The following KCNH1 variants were observed in gnomAD, a reference collection of about 807,000 sequenced individuals.
KCNH1 encodes the protein potassium voltage-gated channel subfamily H member 1.
KCNH1 carries 27 observed loss-of-function variants against 69.2 expected under a neutral mutation model. The observed-to-expected ratio is 0.39, with a 90% CI of 0.29 to 0.54. The LOEUF (loss-of-function observed/expected upper bound fraction) is 0.54, where lower values mean the gene tolerates loss of function less well. Among genes scored for constraint, KCNH1 ranks in the 20% least tolerant of loss-of-function variants. The probability of loss-of-function intolerance (pLI) is 0.68; values close to 1 mark genes in which losing one functional copy is unlikely to be tolerated. For missense variants in KCNH1, 798 were observed against 1,261.6 expected (o/e 0.63, Z 5.57); for synonymous variants, 456 against 487.7 (o/e 0.93, Z 0.86).
At chr1:210,812,375 T>A (rs1378122549) in intron 7 of KCNH1, among the ~76,000 whole-genome samples, 1 of 152,164 alleles carries the variant, frequency 6.6e-6, no homozygotes, top group Admixed American at 6.6e-5. Context: ...CACCCTGAGG[T>A]TTCATAGATG....
intron 6 of KCNH1, among the ~76,000 whole-genome samples, chr1:210,944,734 G>T (rs1020720343): frequency 6.6e-6 from 1 of 152,120 alleles, no homozygotes; most frequent in Non-Finnish European, 1.5e-5. Context: ...ACAGGCTACT[G>T]TATTTTTTTA....
chr1:211,054,544 T>G (rs114786915), intron 5 of KCNH1, among the ~76,000 whole-genome samples: 142 of 152,222 alleles, frequency 9.3e-4, no homozygotes, highest in African/African-American at 3.2e-3. Context: ...TAAATCAAAT[T>G]AGATATTAGC....
rs140580867 is a variant in KCNH1 at position 211,023,160 on chromosome 1, A to T, written c.559-3904T>A. On this transcript the variant is annotated intron_variant, in intron 5 of 10. Transcript: ENST00000271751. ...TAAATAAATAAATAAATAAATAAAT[A>T]AATTAAAAATGCTGGTGAGGATCCA... Among the ~76,000 whole-genome samples the T allele has an allele frequency of 8.9e-3, 893 of 100,506 alleles. 3 individuals are homozygous for T. Among genetic ancestry groups the T allele is most frequent in the Non-Finnish European group, 0.012 (581 of 48,662 alleles). 65.9% of individuals were successfully genotyped at this position (100,506 alleles called of 152,430 possible). A position where few individuals can be genotyped will look rare whatever the true frequency, so the allele number is the denominator to read the frequency against.
rs146945144 is a variant in KCNH1, at chr1:210,794,648, G to T, written c.1915+2860C>A. On this transcript the variant is annotated intron_variant, in intron 9 of 10. Coordinates refer to ENST00000271751, the MANE Select transcript of KCNH1 (RefSeq NM_172362.3). ...CATCATGCCTCTATGCCTAAGTCTA[G>T]GTGTTCAAACCAACTCCTAGTAATG... is the stretch of plus-strand genomic sequence containing the variant. Among the ~76,000 whole-genome samples the T allele has an allele frequency of 5.5e-3, 840 of 152,256 alleles. 6 individuals are homozygous for T. Among genetic ancestry groups the T allele is most frequent in the African/African-American group, 0.019 (803 of 41,536 alleles).
At chr1:210,802,630 C>A (rs1449317441) in intron 8 of KCNH1, among the ~76,000 whole-genome samples, 1 of 152,170 alleles carries the variant, frequency 6.6e-6, no homozygotes, top group Admixed American at 6.5e-5. Flanking sequence ...CCAGTACCAC[C>A]AAATTTTCAT....
At chr1:210,719,824 T>C (rs1040805055) in intron 10 of KCNH1, among the ~76,000 whole-genome samples, 1 of 152,210 alleles carries the variant, frequency 6.6e-6, no homozygotes. Flanking sequence ...ATTGCTTCAT[T>C]TGTAAATTTG....
intron 7 of KCNH1, among the ~76,000 whole-genome samples, chr1:210,817,431 T>C (rs1166798050): frequency 6.6e-6 from 1 of 152,180 alleles, no homozygotes; most frequent in Non-Finnish European, 1.5e-5. Flanking sequence ...CTACTTTGCA[T>C]ACATAATTTA....
chr1:210,801,176 T>C (rs1684418955), intron 8 of KCNH1, among the ~76,000 whole-genome samples: 1 of 152,164 alleles, frequency 6.6e-6, no homozygotes, highest in South Asian at 2.1e-4. Context: ...AAATTCATGT[T>C]TCCATGAGCT....
At chr1:211,058,675 G>C (rs1690361294) in intron 5 of KCNH1, among the ~76,000 whole-genome samples, 1 of 151,760 alleles carries the variant, frequency 6.6e-6, no homozygotes, top group African/African-American at 2.4e-5. Flanking sequence ...AGAAAGAAAT[G>C]AAAGAAGGAA....
At chr1:210,800,609 C>T (rs1684408320) in intron 8 of KCNH1, among the ~76,000 whole-genome samples, 1 of 152,150 alleles carries the variant, frequency 6.6e-6, no homozygotes, top group African/African-American at 2.4e-5. Context: ...TTCCATCGTT[C>T]TTTCCATCTA....
intron 7 of KCNH1, among the ~76,000 whole-genome samples, chr1:210,839,783 C>G (rs1217388537): frequency 6.6e-6 from 1 of 152,102 alleles, no homozygotes; most frequent in African/African-American, 2.4e-5. Context: ...TTCTGTGTAT[C>G]TTTTAAAACT....
At chr1:210,937,759 T>A (rs1687798676) in intron 6 of KCNH1, among the ~76,000 whole-genome samples, 2 of 151,712 alleles carry the variant, frequency 1.3e-5, no homozygotes, top group Non-Finnish European at 2.9e-5. Context: ...ATTCTTTTAA[T>A]AACCTTTTTT....
Position 210,683,882 on chromosome 1 carries a change from A to G in KCNH1, c.2369T>C (p.Val790Ala). Reference protein sequence around the residue: ...HSLVKASVVTVRESPATPVSF... With the variant: ...HSLVKASVVTARESPATPVSF... ...TACGGGCGTGGCAGGACTCTCACGC[A>G]CGGTGACCACGCTGGCCTTCACGAG... is the stretch of plus-strand genomic sequence containing the variant. Residue 790 changes from valine (V) to alanine (A), a missense_variant, in exon 11 of 11, where the codon GTG (valine) becomes GCG (alanine). Coordinates refer to ENST00000271751, the MANE Select transcript of KCNH1 (RefSeq NM_172362.3). The surrounding 1 kb of genome is among the most constrained non-coding windows in gnomAD (Gnocchi z 5.7). 1 of 1,614,050 alleles carries G rather than the reference A, an allele frequency of 6.2e-7. No individual in the cohort carries two copies. Among genetic ancestry groups the G allele is most frequent in the Non-Finnish European group, 8.5e-7 (1 of 1,179,940 alleles).
At chr1:210,698,256 A>G (rs1268049070) in intron 10 of KCNH1, among the ~76,000 whole-genome samples, 1 of 152,194 alleles carries the variant, frequency 6.6e-6, no homozygotes, top group Non-Finnish European at 1.5e-5. Flanking sequence ...AGGAGGCAGA[A>G]GGAGCATAAA....
chr1:210,730,690 A>C (rs1682725505), intron 10 of KCNH1, among the ~76,000 whole-genome samples: 1 of 152,204 alleles, frequency 6.6e-6, no homozygotes, highest in Non-Finnish European at 1.5e-5. Context: ...GGCAGCAAGC[A>C]AAAGTGAATG....
At chr1:210,974,323 C>T (rs1304263546) in intron 6 of KCNH1, among the ~76,000 whole-genome samples, 2 of 151,932 alleles carry the variant, frequency 1.3e-5, no homozygotes, top group Admixed American at 6.6e-5. Flanking sequence ...CAGTATATTA[C>T]AGTAATTAAT....
At chr1:210,768,914 A>C (rs540492857) in intron 10 of KCNH1, among the ~76,000 whole-genome samples, 48 of 152,132 alleles carry the variant, frequency 3.2e-4, no homozygotes, top group African/African-American at 1.2e-3. Flanking sequence ...TCACTCACTG[A>C]TCCTCTTGAG....
At chr1:211,122,417 G>A (rs1295675299) in intron 1 of KCNH1, among the ~76,000 whole-genome samples, 3 of 152,178 alleles carry the variant, frequency 2.0e-5, no homozygotes, top group African/African-American at 7.2e-5. Flanking sequence ...AGACAGTGTG[G>A]CGATTCCTCA....
Position 211,023,578 on chromosome 1 carries a change from C to T in KCNH1, c.559-4322G>A, listed in dbSNP as rs553981680. Among the ~76,000 whole-genome samples the T allele has an allele frequency of 4.6e-5, 7 of 151,732 alleles. No individual in the cohort carries two copies. The South Asian group carries it at 8.3e-4, about 18-fold the overall frequency. ...ACAGAAGGACAAATACCACATGTTC[C>T]GCTCATATATGAGAGCTAAAAAAGC... On this transcript the variant is annotated intron_variant, in intron 5 of 10. Coordinates refer to ENST00000271751, the MANE Select transcript of KCNH1 (RefSeq NM_172362.3).
Sources: allele counts gnomAD v4.1 joint callset (sites outside exome capture counted in the v4.1 genomes callset), GRCh38; gene constraint gnomAD v4.1.1; non-coding constraint Gnocchi (gnomAD v3.1); transcripts MANE v1.5; gene names NCBI Gene and HGNC (gene_info 2026-07-23, HGNC 2026-07-21).